The following TRIO variants were observed in gnomAD, a reference collection of about 807,000 sequenced individuals.
The protein encoded by TRIO is trio Rho guanine nucleotide exchange factor.
A neutral mutation model predicts 351.9 loss-of-function variants in TRIO; 58 were observed. The ratio of observed to expected loss-of-function variants is 0.16; its 90% CI spans 0.13 to 0.21. The LOEUF (loss-of-function observed/expected upper bound fraction) is 0.21, where lower values mean the gene tolerates loss of function less well. Among genes scored for constraint, TRIO ranks in the 10% least tolerant of loss-of-function variants. The pLI is 1.00. For missense variants in TRIO, 3,201 were observed against 4,027.8 expected, an observed-to-expected ratio of 0.79 and a Z score of 5.56; for synonymous variants, 1,758 against 1,595.7, an observed-to-expected ratio of 1.10 and a Z score of -2.42.
At chr5:14,180,847 C>CAAA in intron 1 of TRIO, among the ~76,000 whole-genome samples, 1 of 139,178 alleles carries the variant, frequency 7.2e-6, no homozygotes, top group African/African-American at 2.8e-5. Context: ...AGTGCCCCCA[C>CAAA]AAAAAAAAAA....
At chr5:14,475,251 C>T (rs530724151) in intron 40 of TRIO, among the ~76,000 whole-genome samples, 16 of 152,272 alleles carry the variant, frequency 1.1e-4, no homozygotes, top group African/African-American at 3.1e-4. Flanking sequence ...GTTACCTGGC[C>T]GGGCCTTCTG....
chr5:14,146,142 T>C (rs1445772556), intron 1 of TRIO, among the ~76,000 whole-genome samples: 1 of 151,570 alleles, frequency 6.6e-6, no homozygotes, highest in Non-Finnish European at 1.5e-5. Context: ...GCCAACGATG[T>C]CTAGCAGGGG....
intron 1 of TRIO, among the ~76,000 whole-genome samples, chr5:14,223,912 G>A (rs929691963): frequency 6.6e-6 from 1 of 152,076 alleles, no homozygotes; most frequent in Admixed American, 6.6e-5. Flanking sequence ...CCAAAGTCTT[G>A]ACTTGGATTC....
At position 14,266,053 on chromosome 5, in the gene TRIO, A is replaced by G. The variant is rs190283744; in HGVS notation, c.158-4772A>G. The stretch of plus-strand genomic sequence containing the variant: ...GATTGATTCATTCATTCATCCATCC[A>G]TCTTTCTTTTCCTTTTCTTTTTTTT... On this transcript the variant is annotated intron_variant, in intron 1 of 56. Transcript: ENST00000344204. Among the ~76,000 whole-genome samples, 146 of 146,878 alleles carry G rather than the reference A, an allele frequency of 9.9e-4. 1 individual carries two copies. Among genetic ancestry groups the G allele is most frequent in the African/African-American group, 3.6e-3 (141 of 39,550 alleles).
chr5:14,218,785 T>G (rs911972515), intron 1 of TRIO, among the ~76,000 whole-genome samples: 4 of 152,188 alleles, frequency 2.6e-5, no homozygotes, highest in Admixed American at 2.6e-4. Context: ...CTGCATTAGA[T>G]GGGGCACCAA....
chr5:14,435,046 G>A (rs538143315), intron 34 of TRIO, among the ~76,000 whole-genome samples: 7 of 152,342 alleles, frequency 4.6e-5, no homozygotes, highest in Admixed American at 3.9e-4. Flanking sequence ...ATCCTGAGAC[G>A]TCTCCCTGTC....
intron 33 of TRIO, among the ~76,000 whole-genome samples, chr5:14,407,224 G>T (rs890462421): frequency 1.3e-5 from 2 of 152,110 alleles, no homozygotes; most frequent in Non-Finnish European, 2.9e-5. Context: ...TTGGCACAGG[G>T]CGTCTCAATG....
intron 15 of TRIO, among the ~76,000 whole-genome samples, chr5:14,366,502 T>A (rs557175533): frequency 6.6e-6 from 1 of 152,372 alleles, no homozygotes; most frequent in African/African-American, 2.4e-5. Flanking sequence ...TGGAAAGGAA[T>A]GAAAAATATT....
chr5:14,280,221 T>G, intron 2 of TRIO, 101 bp from the exon 3 acceptor site: 1 of 1,088,904 alleles, frequency 9.2e-7, no homozygotes, highest in Non-Finnish European at 1.4e-6. Context: ...TGCAAATTTG[T>G]GTAGTTGCTT....
Position 14,507,162 on chromosome 5 carries a change from G to A in TRIO, c.8653G>A (p.Gly2885Arg), listed in dbSNP as rs766990520. The change falls in exon 56 of 57, where the codon GGA becomes AGA. Residue 2885 changes from glycine to arginine, a missense_variant. By Grantham distance (125) the Gly-to-Arg change is moderately radical. Coordinates refer to ENST00000344204, the MANE Select transcript of TRIO (RefSeq NM_007118.4). ...GRLLDCVVRW[G>R]SLTEGKIRAH... is the part of the protein sequence containing the mutation. ...CCTCCTGGACTGCGTGGTGCGATGG[G>A]GAAGCCTCACTGAAGGGAAGATCAG... is the stretch of plus-strand genomic sequence containing the variant. 1 of 1,612,328 alleles carries A rather than the reference G, an allele frequency of 6.2e-7. No individual in the cohort carries two copies. The highest frequency in any genetic ancestry group is 8.5e-7 in the Non-Finnish European group (1 of 1,179,628).
chr5:14,454,018 C>T (rs969925686), intron 34 of TRIO, among the ~76,000 whole-genome samples: 2 of 152,122 alleles, frequency 1.3e-5, no homozygotes, highest in African/African-American at 4.8e-5. Context: ...CAACCTCTGC[C>T]TCCTGGGTTC....
rs571428178 is a variant in TRIO, at chr5:14,457,574, C to T, written c.5204-3445C>T. ...TATTTAATTTCCTTTTCTTCTTGAA[C>T]CATTTTTACAACAACTAGCTCCTTT... is the stretch of plus-strand genomic sequence containing the variant. On this transcript the variant is annotated intron_variant, in intron 34 of 56. Coordinates refer to ENST00000344204, the MANE Select transcript of TRIO (RefSeq NM_007118.4). 3.3e-5 allele frequency among the ~76,000 whole-genome samples: 5 copies of T among 152,218 alleles called. No homozygotes were observed. In the South Asian group the frequency reaches 1.0e-3, roughly 32 times the overall value.
chr5:14,485,490 C>T (rs1379779244), intron 47 of TRIO, among the ~76,000 whole-genome samples: 1 of 152,190 alleles, frequency 6.6e-6, no homozygotes, highest in Non-Finnish European at 1.5e-5. Context: ...TGCTTCGAGT[C>T]CCACAAGTTG....
At chr5:14,376,515 A>T (rs30766) in intron 19 of TRIO, among the ~76,000 whole-genome samples, 1 of 152,114 alleles carries the variant, frequency 6.6e-6, no homozygotes, top group African/African-American at 2.4e-5. Context: ...AAATGGGACT[A>T]TATTACCTTG....
rs61362071 is a variant in TRIO at position 14,369,120 on chromosome 5, A to T, written c.3066+221A>T. ...CTGAGAAGACACCTCTCTTCTTGTCATTTAAACATAGGACCTGAAGCACAT... is the reference window on the plus strand; with the variant it reads ...CTGAGAAGACACCTCTCTTCTTGTCTTTTAAACATAGGACCTGAAGCACAT... On this transcript the variant is annotated intron_variant, in intron 17 of 56. Coordinates refer to ENST00000344204, the MANE Select transcript of TRIO (RefSeq NM_007118.4). Among the ~76,000 whole-genome samples, 344 of 152,318 alleles carry T rather than the reference A, an allele frequency of 2.3e-3. 2 individuals are homozygous for T. Among genetic ancestry groups the T allele is most frequent in the African/African-American group, 8.1e-3 (335 of 41,584 alleles).
At chr5:14,338,380 C>G (rs60768136) in intron 11 of TRIO, among the ~76,000 whole-genome samples, 10,902 of 152,190 alleles carry the variant, frequency 0.072, 496 homozygotes, top group African/African-American at 0.14. Context: ...CCGCTCAACA[C>G]AGTATCCCCT....
At chr5:14,371,380 T>C (rs1032253514) in intron 18 of TRIO, among the ~76,000 whole-genome samples, 9 of 152,304 alleles carry the variant, frequency 5.9e-5, no homozygotes, top group African/African-American at 1.9e-4. Flanking sequence ...TTTGAAGATA[T>C]GTACAAAAGG....
intron 33 of TRIO, among the ~76,000 whole-genome samples, chr5:14,410,264 C>T (rs1318539843): frequency 6.6e-6 from 1 of 152,108 alleles, no homozygotes; most frequent in Non-Finnish European, 1.5e-5. Flanking sequence ...CGTTTGCTGC[C>T]CACGTGTGCC....
At chr5:14,493,166 GACAT>G (rs1174712488) in intron 49 of TRIO, among the ~76,000 whole-genome samples, 3 of 152,036 alleles carry the variant, frequency 2.0e-5, no homozygotes, top group Non-Finnish European at 1.5e-5. Flanking sequence ...TTGTTTCTTT[GACAT>G]ACATTCTTAG....
Sources: allele counts gnomAD v4.1 joint callset (sites outside exome capture counted in the v4.1 genomes callset), GRCh38; gene constraint gnomAD v4.1.1; transcripts MANE v1.5; gene names NCBI Gene and HGNC (gene_info 2026-07-23, HGNC 2026-07-21).